The following ROS1 variants were observed in gnomAD, a reference collection of about 807,000 sequenced individuals.
The protein encoded by ROS1 is proto-oncogene tyrosine-protein kinase ROS.
ROS1 carries 263 observed loss-of-function variants against 273.5 expected under a neutral mutation model. The observed-to-expected ratio is 0.96, with a 90% CI of 0.87 to 1.06. The LOEUF is 1.06. Ranked by LOEUF, ROS1 falls within the 50% of genes least tolerant of loss-of-function variation. The probability of loss-of-function intolerance (pLI) is 0.00; values close to 1 mark genes in which losing one functional copy is unlikely to be tolerated. For missense variants in ROS1, 2,833 were observed against 2,751.1 expected, an observed-to-expected ratio of 1.03 and a Z score of -0.67; for synonymous variants, 1,008 against 954.1, an observed-to-expected ratio of 1.06 and a Z score of -1.04.
intron 42 of ROS1, among the ~76,000 whole-genome samples, chr6:117,304,766 A>G (rs1435715514): frequency 6.6e-6 from 1 of 152,156 alleles, no homozygotes; most frequent in Non-Finnish European, 1.5e-5. Context: ...CCCAAATCTC[A>G]TGTAGAATTG....
chr6:117,366,897 T>C (rs1389257454), intron 18 of ROS1, among the ~76,000 whole-genome samples: 2 of 152,310 alleles, frequency 1.3e-5, no homozygotes, highest in Middle Eastern at 3.4e-3. Context: ...GTGATTTTGG[T>C]AATACTCTAC....
rs774803240 is a variant in ROS1 at position 117,394,740 on chromosome 6, T to G, written c.884-2A>C. The G allele has an allele frequency of 6.2e-7, 1 of 1,603,606 alleles. No homozygotes were observed. The highest frequency in any genetic ancestry group is 8.5e-7 in the Non-Finnish European group (1 of 1,176,254). Reference sequence around the variant, plus strand: ...AGAGCCACTGTTCCTCTTGTTGAACTGAAAAAAACAACACAATTTGCAGAC... The same window carrying G: ...AGAGCCACTGTTCCTCTTGTTGAACGGAAAAAAACAACACAATTTGCAGAC... On this transcript the variant is annotated splice_acceptor_variant, in intron 9 of 43. Transcript: ENST00000368507. LOFTEE classifies it high-confidence loss of function.
At chr6:117,370,904 AG>A (rs1780708949) in intron 18 of ROS1, among the ~76,000 whole-genome samples, 1 of 152,238 alleles carries the variant, frequency 6.6e-6, no homozygotes, top group African/African-American at 2.4e-5. Context: ...TCAAGACAGT[AG>A]ACTTAAATCC....
In ROS1 at chr6:117,385,814, C is replaced by T. The variant is rs764959275; in HGVS notation, c.2158G>A (p.Asp720Asn). 3.7e-5 allele frequency: 59 copies of T among 1,614,048 alleles called. No homozygotes were observed. The East Asian group carries it at 6.5e-4, about 18-fold the overall frequency. ...CCATTCAGCAGCCACACAAAAACGT[C>T]GCCTTTCGTGTCACTGTAGTAGAGG... is the stretch of plus-strand genomic sequence containing the variant. Reference protein sequence around the residue: ...NSLYYSDTKGDVFVWLLNGTD... With the variant: ...NSLYYSDTKGNVFVWLLNGTD... Residue 720 changes from aspartate to asparagine, a missense_variant, in exon 16 of 44, where the codon GAC becomes AAC. Transcript: ENST00000368507.
chr6:117,309,484 G>A (rs1188260072), intron 41 of ROS1, among the ~76,000 whole-genome samples: 4 of 152,122 alleles, frequency 2.6e-5, no homozygotes, highest in Admixed American at 2.6e-4. Flanking sequence ...AACATTGAGA[G>A]GGAAGGCATG....
At chr6:117,367,383 G>A (rs1328815069) in intron 18 of ROS1, among the ~76,000 whole-genome samples, 1 of 152,190 alleles carries the variant, frequency 6.6e-6, no homozygotes, top group East Asian at 1.9e-4. Context: ...GTAGCCATGA[G>A]GACTCCAGTA....
At chr6:117,347,562 T>A (rs1778480334) in intron 27 of ROS1, among the ~76,000 whole-genome samples, 2 of 152,078 alleles carry the variant, frequency 1.3e-5, no homozygotes, top group African/African-American at 2.4e-5. Flanking sequence ...TCTTGTATTG[T>A]ATACCTTTTC....
intron 16 of ROS1, among the ~76,000 whole-genome samples, chr6:117,383,755 A>T (rs1186781414): frequency 6.6e-6 from 1 of 152,202 alleles, no homozygotes; most frequent in Non-Finnish European, 1.5e-5. Flanking sequence ...AACTAAATTT[A>T]CTTTGCATAA....
intron 39 of ROS1, among the ~76,000 whole-genome samples, chr6:117,311,871 T>C (rs1323196727): frequency 1.3e-5 from 2 of 152,130 alleles, no homozygotes; most frequent in East Asian, 3.9e-4. Flanking sequence ...TATTACATTG[T>C]CTGTCCCTTT....
intron 42 of ROS1, among the ~76,000 whole-genome samples, chr6:117,306,410 A>T (rs1003553609): frequency 1.3e-5 from 2 of 152,108 alleles, no homozygotes; most frequent in Non-Finnish European, 2.9e-5. Flanking sequence ...AACCCCAGAA[A>T]GCTCTCACTT....
At chr6:117,309,052 A>G (rs1284391558) in intron 41 of ROS1, 124 bp from the exon 42 acceptor site, 5 of 846,000 alleles carry the variant, frequency 5.9e-6, no homozygotes, top group Non-Finnish European at 9.0e-6. Context: ...TATTGGCCTC[A>G]TAAAAGGCAA....
At chr6:117,395,158 G>C (rs909514828) in intron 9 of ROS1, among the ~76,000 whole-genome samples, 1 of 152,084 alleles carries the variant, frequency 6.6e-6, no homozygotes. Context: ...CAGTATCTTT[G>C]CCTTTAGGGC....
At chr6:117,424,291 G>T (rs1582919083) in intron 1 of ROS1, among the ~76,000 whole-genome samples, 1 of 151,454 alleles carries the variant, frequency 6.6e-6, no homozygotes, top group South Asian at 2.1e-4. Context: ...TTGCATAGCT[G>T]GGTGTAAATT....
rs1777556873 is a variant in ROS1 at position 117,337,313 on chromosome 6, T to C, written c.5089A>G (p.Lys1697Glu). The change falls in exon 32 of 44, where the codon AAA (lysine) becomes GAA (glutamate). Residue 1697 changes from lysine to glutamate, a missense_variant. By Grantham distance (56) the Lys-to-Glu change is moderately conservative. Coordinates refer to ENST00000368507, the MANE Select transcript of ROS1 (RefSeq NM_001378902.1). ...GCAGGACCTTGGCTGCATGAAGTTT[T>C]AACATGGTAAAACTCATTGTATTTC... ...KWKYNEFYHV[K>E]TSCSQGPAYV... is the part of the protein sequence containing the mutation. 5 of 1,610,110 alleles carry C rather than the reference T, an allele frequency of 3.1e-6. No homozygotes were observed. The highest frequency in any genetic ancestry group is 3.4e-6 in the Non-Finnish European group (4 of 1,178,350).
chr6:117,375,989 A>C (rs1781301578), intron 18 of ROS1, among the ~76,000 whole-genome samples: 1 of 152,106 alleles, frequency 6.6e-6, no homozygotes. Context: ...CAATCTAAAA[A>C]GCTAGAAAAA....
intron 1 of ROS1, among the ~76,000 whole-genome samples, chr6:117,424,098 A>G (rs1775961137): frequency 6.6e-6 from 1 of 152,224 alleles, no homozygotes; most frequent in African/African-American, 2.4e-5. Context: ...ACGACAGTAA[A>G]ATAAAATGGA....
chr6:117,291,785 C>G (rs954724797), intron 43 of ROS1, among the ~76,000 whole-genome samples: 19 of 152,084 alleles, frequency 1.2e-4, no homozygotes, highest in African/African-American at 4.6e-4. Context: ...GTATTTTACT[C>G]TTTATATTGA....
chr6:117,304,110 T>A (rs1774932829), intron 42 of ROS1, among the ~76,000 whole-genome samples: 1 of 152,216 alleles, frequency 6.6e-6, no homozygotes. Flanking sequence ...ATAATGGGTA[T>A]ACAGTGCCAA....
chr6:117,411,075 G>C (rs1774865412), intron 4 of ROS1, among the ~76,000 whole-genome samples: 1 of 152,120 alleles, frequency 6.6e-6, no homozygotes, highest in Non-Finnish European at 1.5e-5. Flanking sequence ...TTGAAATATA[G>C]GTAGTCTTGA....
Sources: allele counts gnomAD v4.1 joint callset (sites outside exome capture counted in the v4.1 genomes callset), GRCh38; gene constraint gnomAD v4.1.1; transcripts MANE v1.5; gene names NCBI Gene and HGNC (gene_info 2026-07-23, HGNC 2026-07-21).